DIAPH3: variants seen among roughly 807,000 people sequenced by gnomAD.
The protein encoded by DIAPH3 is diaphanous related formin 3.
In DIAPH3, 117 loss-of-function variants were observed where a neutral mutation model predicts 144.3. That is an observed-to-expected ratio of 0.81 (90% CI 0.70 to 0.95). DIAPH3 has a LOEUF of 0.95. DIAPH3 is among the 40% of genes least tolerant of loss of function. The pLI is 0.00. For synonymous variants in DIAPH3, 519 were observed against 488.9 expected (o/e 1.06, Z -0.81); for missense variants, 1,421 against 1,412.7 (o/e 1.01, Z -0.09).
chr13:59,680,319 G>A (rs906221151), intron 27 of DIAPH3, among the ~76,000 whole-genome samples: 2 of 152,174 alleles, frequency 1.3e-5, no homozygotes, highest in African/African-American at 4.8e-5. Flanking sequence ...TTGAGAGCTT[G>A]TTATGAACTT....
chr13:60,015,746 A>T (rs1317356803), intron 7 of DIAPH3, among the ~76,000 whole-genome samples, 167 bp downstream of exon 7: 1 of 152,202 alleles, frequency 6.6e-6, no homozygotes. Context: ...TTCATTATCA[A>T]GTTTCTCCTA....
chr13:60,073,493 C>T (rs1404480459), intron 4 of DIAPH3, among the ~76,000 whole-genome samples: 1 of 152,056 alleles, frequency 6.6e-6, no homozygotes, highest in South Asian at 2.1e-4. Flanking sequence ...GTTTATGTAA[C>T]ATTAAATAAA....
At chr13:60,036,128 C>G (rs1236133213) in intron 5 of DIAPH3, among the ~76,000 whole-genome samples, 4 of 152,200 alleles carry the variant, frequency 2.6e-5, no homozygotes, top group Non-Finnish European at 4.4e-5. Context: ...CTTCTATTCC[C>G]TTGGGACTCT....
intron 9 of DIAPH3, among the ~76,000 whole-genome samples, chr13:60,002,786 C>A (rs2052600454): frequency 6.6e-6 from 1 of 152,014 alleles, no homozygotes; most frequent in East Asian, 1.9e-4. Flanking sequence ...GTTTTGGTTC[C>A]CTTCCAAAAA....
intron 5 of DIAPH3, among the ~76,000 whole-genome samples, chr13:60,038,456 T>C (rs1039749365): frequency 2.6e-5 from 4 of 152,152 alleles, no homozygotes; most frequent in African/African-American, 9.7e-5. Context: ...AATCAAGATG[T>C]TCCACCTGCT....
chr13:59,776,297 C>T (rs547952094), intron 25 of DIAPH3, among the ~76,000 whole-genome samples: 1 of 151,906 alleles, frequency 6.6e-6, no homozygotes, highest in South Asian at 2.1e-4. Context: ...TAGGTGTTAT[C>T]AAAAAAGGTG....
chr13:60,100,009 T>G (rs1346137776), intron 3 of DIAPH3, among the ~76,000 whole-genome samples: 2 of 151,478 alleles, frequency 1.3e-5, no homozygotes, highest in Non-Finnish European at 2.9e-5. Context: ...GAAAGAGCTG[T>G]TAAGTGGCCA....
chr13:60,024,906 T>A (rs368813133), intron 5 of DIAPH3, among the ~76,000 whole-genome samples: 6 of 152,046 alleles, frequency 3.9e-5, no homozygotes, highest in African/African-American at 1.4e-4. Context: ...ATGCTCACCA[T>A]GTAACCTACA....
intron 17 of DIAPH3, among the ~76,000 whole-genome samples, chr13:59,938,478 A>G (rs1380242179): frequency 6.6e-6 from 1 of 152,122 alleles, no homozygotes; most frequent in Non-Finnish European, 1.5e-5. Context: ...GCATAGTGGT[A>G]TGTACCTGTA....
At chr13:59,827,457 A>C (rs2041505920) in intron 24 of DIAPH3, among the ~76,000 whole-genome samples, 1 of 152,066 alleles carries the variant, frequency 6.6e-6, no homozygotes, top group African/African-American at 2.4e-5. Flanking sequence ...TCTGCAACAA[A>C]GGGGTGTGAA....
chr13:60,086,218 C>T (rs1418259141), intron 4 of DIAPH3, among the ~76,000 whole-genome samples: 1 of 152,052 alleles, frequency 6.6e-6, no homozygotes, highest in Non-Finnish European at 1.5e-5. Flanking sequence ...CCTACCTAAA[C>T]AAAAACACAA....
intron 4 of DIAPH3, among the ~76,000 whole-genome samples, chr13:60,070,440 G>T (rs148776612): frequency 1.2e-3 from 177 of 151,076 alleles, no homozygotes; most frequent in African/African-American, 4.0e-3. Context: ...ACAGTTTTAG[G>T]GTTTAAAAAA....
At chr13:60,093,102 T>C (rs944461533) in intron 4 of DIAPH3, among the ~76,000 whole-genome samples, 7 of 152,230 alleles carry the variant, frequency 4.6e-5, no homozygotes, top group Admixed American at 2.6e-4. Context: ...CTTAGACATT[T>C]AGTCATTACT....
intron 4 of DIAPH3, 121 bp downstream of exon 4, chr13:60,093,507 T>C (rs542158860): frequency 4.4e-6 from 3 of 676,346 alleles, no homozygotes; most frequent in Admixed American, 4.6e-5. Flanking sequence ...CCCTTAATTA[T>C]ACATTCAGAA....
At chr13:60,105,863 G>A (rs1340347702) in intron 3 of DIAPH3, among the ~76,000 whole-genome samples, 1 of 151,950 alleles carries the variant, frequency 6.6e-6, no homozygotes, top group Non-Finnish European at 1.5e-5. Context: ...AACACAAAGG[G>A]GTCTTTGTTG....
intron 2 of DIAPH3, among the ~76,000 whole-genome samples, chr13:60,131,435 C>CAAAAAAAAAAAAAAAAAA (rs777909368): frequency 3.4e-5 from 1 of 29,304 alleles, no homozygotes; most frequent in Non-Finnish European, 8.3e-5. Flanking sequence ...GACCCTGTCT[C>CAAAAAAAAAAAAAAAAAA]AAAAAAAAAA....
chr13:59,851,064 A>T (rs1749351121), intron 22 of DIAPH3, among the ~76,000 whole-genome samples: 1 of 150,844 alleles, frequency 6.6e-6, no homozygotes, highest in Admixed American at 6.6e-5. Context: ...CCGGGCAGAG[A>T]CACAACCAAA....
chr13:60,078,546 A>C (rs2057449922), intron 4 of DIAPH3, among the ~76,000 whole-genome samples: 1 of 152,114 alleles, frequency 6.6e-6, no homozygotes, highest in Non-Finnish European at 1.5e-5. Flanking sequence ...ATTCAAAGTT[A>C]AAATTCAGGA....
At chr13:59,921,860 A>T (rs549722678) in intron 18 of DIAPH3, among the ~76,000 whole-genome samples, 17 of 152,216 alleles carry the variant, frequency 1.1e-4, no homozygotes, top group Admixed American at 1.1e-3. Flanking sequence ...ATTCACCATG[A>T]TTAAATGGGA....
Sources: allele counts gnomAD v4.1 joint callset (sites outside exome capture counted in the v4.1 genomes callset), GRCh38; gene constraint gnomAD v4.1.1; transcripts MANE v1.5; gene names NCBI Gene and HGNC (gene_info 2026-07-23, HGNC 2026-07-21).